Variants in GRIP1 observed in about 807,000 individuals in gnomAD.
GRIP1 encodes glutamate receptor-interacting protein 1.
A neutral mutation model predicts 129.9 loss-of-function variants in GRIP1; 45 were observed. The observed-to-expected ratio is 0.35, with a 90% CI of 0.27 to 0.44. The LOEUF (loss-of-function observed/expected upper bound fraction) is 0.44. Ranked by LOEUF, GRIP1 falls within the 20% of genes least tolerant of loss-of-function variation. The pLI is 1.00. For synonymous variants in GRIP1, 530 were observed against 520.8 expected (o/e 1.02, Z -0.24); for missense variants, 1,196 against 1,396.8 (o/e 0.86, Z 2.29).
chr12:66,783,498 A>G (rs1262396876), intron 1 of GRIP1, among the ~76,000 whole-genome samples: 1 of 152,192 alleles, frequency 6.6e-6, no homozygotes, highest in African/African-American at 2.4e-5. Context: ...CTTATAAGTG[A>G]GGTGGCTGTG....
At chr12:66,754,006 T>C (rs980016089) in intron 1 of GRIP1, among the ~76,000 whole-genome samples, 7 of 152,242 alleles carry the variant, frequency 4.6e-5, no homozygotes, top group Non-Finnish European at 1.0e-4. Flanking sequence ...TTTCCTTGGA[T>C]AAACATGGTT....
intron 19 of GRIP1, among the ~76,000 whole-genome samples, chr12:66,387,849 C>T (rs1173354219): frequency 6.6e-6 from 1 of 152,190 alleles, no homozygotes; most frequent in Non-Finnish European, 1.5e-5. Context: ...CTACTCTGTG[C>T]TATCCTCTGT....
In GRIP1 at chr12:66,515,686, G is replaced by A. The variant is rs765908855; in HGVS notation, c.657C>T (p.Ala219=). Residue 219 remains alanine (A), a synonymous_variant, in exon 7 of 25, where the codon GCC becomes GCT. Transcript: ENST00000359742. ...IRLLGTTHAE[A]MSILKQCGQE... is the part of the protein sequence containing the mutation. Reference sequence around the variant, plus strand: ...GTCCACATTGTTTAAGAATACTCATGGCTTCAGCATGCGTAGTTCCAAGAA... The same window carrying A: ...GTCCACATTGTTTAAGAATACTCATAGCTTCAGCATGCGTAGTTCCAAGAA... 1.2e-6 allele frequency: 2 copies of A among 1,613,388 alleles called. No individual in the cohort carries two copies. The highest frequency in any genetic ancestry group is 4.5e-5 in the East Asian group (2 of 44,886).
intron 1 of GRIP1, among the ~76,000 whole-genome samples, chr12:66,773,746 T>C (rs1006317854): frequency 6.6e-6 from 1 of 152,282 alleles, no homozygotes; most frequent in African/African-American, 2.4e-5. Context: ...AAATCACTGC[T>C]TTTGTTTTGT....
chr12:66,839,801 CACTT>C (rs1411746412), intron 1 of GRIP1, among the ~76,000 whole-genome samples: 7 of 152,188 alleles, frequency 4.6e-5, no homozygotes, highest in African/African-American at 1.7e-4. Context: ...GTATTAATGG[CACTT>C]ACTCTGTGCA....
chr12:66,817,990 AT>A (rs965157680), intron 1 of GRIP1, among the ~76,000 whole-genome samples: 2 of 152,218 alleles, frequency 1.3e-5, no homozygotes, highest in African/African-American at 4.8e-5. Flanking sequence ...AGGAAGGAGT[AT>A]TTTAACAGCC....
chr12:66,934,121 A>G (rs2041445458), intron 1 of GRIP1, among the ~76,000 whole-genome samples: 1 of 152,138 alleles, frequency 6.6e-6, no homozygotes, highest in African/African-American at 2.4e-5. Context: ...GTCTACTAAC[A>G]TGGCACATGA....
intron 1 of GRIP1, among the ~76,000 whole-genome samples, chr12:66,816,987 T>C (rs1393273329): frequency 6.6e-6 from 1 of 152,078 alleles, no homozygotes; most frequent in Non-Finnish European, 1.5e-5. Flanking sequence ...TAAAGCAGTA[T>C]TCGCAAAAGA....
intron 1 of GRIP1, among the ~76,000 whole-genome samples, chr12:66,853,461 A>G (rs1027589014): frequency 6.6e-6 from 1 of 151,650 alleles, no homozygotes; most frequent in Admixed American, 6.6e-5. Flanking sequence ...TTCTCCTTAC[A>G]TAATCAAAAG....
intron 19 of GRIP1, among the ~76,000 whole-genome samples, chr12:66,383,524 A>G (rs1335980905): frequency 1.3e-5 from 2 of 152,112 alleles, no homozygotes; most frequent in African/African-American, 4.8e-5. Context: ...GATTTACCCA[A>G]CTGGTGAGTT....
intron 1 of GRIP1, among the ~76,000 whole-genome samples, chr12:66,792,478 G>A (rs2098911367): frequency 6.6e-6 from 1 of 152,054 alleles, no homozygotes; most frequent in Non-Finnish European, 1.5e-5. Context: ...GGGAGGCCGA[G>A]GGGTGAGCTT....
At chr12:66,943,047 T>C (rs2041612177) in intron 1 of GRIP1, among the ~76,000 whole-genome samples, 1 of 152,198 alleles carries the variant, frequency 6.6e-6, no homozygotes, top group African/African-American at 2.4e-5. Context: ...GTCTGCAGTA[T>C]TCTAATAGCC....
At chr12:66,471,241 A>G (rs1287536162) in intron 7 of GRIP1, among the ~76,000 whole-genome samples, 2 of 152,256 alleles carry the variant, frequency 1.3e-5, no homozygotes, top group Non-Finnish European at 2.9e-5. Flanking sequence ...TAATACAAAG[A>G]AACAACCAGG....
At chr12:66,475,544 T>G (rs1278292701) in intron 7 of GRIP1, among the ~76,000 whole-genome samples, 1 of 152,118 alleles carries the variant, frequency 6.6e-6, no homozygotes, top group African/African-American at 2.4e-5. Flanking sequence ...AGCACCACAC[T>G]GCACCTATTC....
chr12:66,959,022 GAAC>G (rs537632859), intron 1 of GRIP1, among the ~76,000 whole-genome samples: 79 of 152,276 alleles, frequency 5.2e-4, no homozygotes, highest in African/African-American at 1.8e-3. Flanking sequence ...CTAGATGGAT[GAAC>G]AACGTCTTAA....
chr12:66,656,519 T>C (rs970487041), intron 1 of GRIP1, among the ~76,000 whole-genome samples: 1 of 152,158 alleles, frequency 6.6e-6, no homozygotes, highest in Non-Finnish European at 1.5e-5. Context: ...CAAGACCAAT[T>C]GTCTCTTACC....
intron 4 of GRIP1, among the ~76,000 whole-genome samples, chr12:66,531,336 T>TAC (rs1359936634): frequency 4.6e-5 from 3 of 65,696 alleles, no homozygotes; most frequent in African/African-American, 1.7e-4. Context: ...CATATATACA[T>TAC]ATATATACAC....
intron 1 of GRIP1, among the ~76,000 whole-genome samples, chr12:66,735,573 T>G (rs2036568167): frequency 6.6e-6 from 1 of 151,990 alleles, no homozygotes; most frequent in Non-Finnish European, 1.5e-5. Flanking sequence ...AAAATCTGAT[T>G]AAACTTGGTA....
chr12:66,432,735 A>C, intron 13 of GRIP1, 107 bp from the exon 14 acceptor site: 1 of 591,406 alleles, frequency 1.7e-6, no homozygotes, highest in Non-Finnish European at 2.9e-6. Context: ...TGTAGCTAAA[A>C]CTGTAGGAAC....
Sources: allele counts gnomAD v4.1 joint callset (sites outside exome capture counted in the v4.1 genomes callset), GRCh38; gene constraint gnomAD v4.1.1; transcripts MANE v1.5; gene names NCBI Gene and HGNC (gene_info 2026-07-23, HGNC 2026-07-21).